PCSK6: variants seen among roughly 807,000 people sequenced by gnomAD.
The protein encoded by PCSK6 is proprotein convertase subtilisin/kexin type 6, also known as paired basic amino acid cleaving enzyme 4.
A neutral mutation model predicts 123.3 loss-of-function variants in PCSK6; 85 were observed. That is an observed-to-expected ratio of 0.69 (90% CI 0.58 to 0.83). The LOEUF (loss-of-function observed/expected upper bound fraction) is 0.83, where lower values mean the gene tolerates loss of function less well. Ranked by LOEUF, PCSK6 falls within the 40% of genes least tolerant of loss-of-function variation. The pLI, the probability that PCSK6 is intolerant of heterozygous loss-of-function variation, is 0.00. For synonymous variants in PCSK6, 508 were observed against 516.0 expected (o/e 0.98, Z 0.21); for missense variants, 1,191 against 1,282.3 (o/e 0.93, Z 1.09).
intron 1 of PCSK6, among the ~76,000 whole-genome samples, chr15:101,462,445 T>C (rs1025250588): frequency 2.0e-5 from 3 of 152,086 alleles, no homozygotes; most frequent in Non-Finnish European, 2.9e-5. Context: ...AAAGTTAATA[T>C]GAAACAACAA....
At chr15:101,324,098 T>G (rs28421513) in intron 17 of PCSK6, among the ~76,000 whole-genome samples, 1,725 of 152,248 alleles carry the variant, frequency 0.011, 36 homozygotes, top group African/African-American at 0.04. Flanking sequence ...CGGCTCTGAG[T>G]CCGAGTCCCA....
At chr15:101,460,944 G>C (rs2057327496) in intron 1 of PCSK6, among the ~76,000 whole-genome samples, 1 of 152,032 alleles carries the variant, frequency 6.6e-6, no homozygotes, top group Non-Finnish European at 1.5e-5. Context: ...TAAGAGAAAT[G>C]CTGAAAATTC....
At chr15:101,469,576 G>A (rs2057552493) in intron 1 of PCSK6, among the ~76,000 whole-genome samples, 2 of 152,194 alleles carry the variant, frequency 1.3e-5, no homozygotes, top group African/African-American at 4.8e-5. Context: ...GTCAGTGGTG[G>A]TGGGCACGAG....
chr15:101,320,883 A>G (rs2040104564), intron 18 of PCSK6, among the ~76,000 whole-genome samples: 1 of 152,210 alleles, frequency 6.6e-6, no homozygotes, highest in Admixed American at 6.5e-5. Flanking sequence ...CTCGTCAGTG[A>G]CGGAAGCACT....
chr15:101,466,130 A>T (rs2057454399), intron 1 of PCSK6, among the ~76,000 whole-genome samples: 1 of 152,190 alleles, frequency 6.6e-6, no homozygotes, highest in Non-Finnish European at 1.5e-5. Flanking sequence ...GAAGGATGAC[A>T]ATGACTGCAA....
intron 6 of PCSK6, among the ~76,000 whole-genome samples, chr15:101,402,309 G>T (rs6598471): frequency 0.91 from 132,110 of 144,816 alleles, 60,496 homozygotes; most frequent in East Asian, 1. Flanking sequence ...CCTAAAACCA[G>T]AAAAACCCTA....
In PCSK6 at chr15:101,317,715, T is replaced by C. The variant is rs572787294; in HGVS notation, c.2569+604A>G. ...ATGGCTTATGAGTGGTGAGCATCTC[T>C]TATCCCTTTCCCCATCTGAAATAAG... On this transcript the variant is annotated intron_variant, in intron 19 of 21. Coordinates refer to ENST00000611716, the MANE Select transcript of PCSK6 (RefSeq NM_002570.5). 5.3e-5 allele frequency among the ~76,000 whole-genome samples: 8 copies of C among 152,324 alleles called. No homozygotes were observed. In the South Asian group the frequency reaches 1.7e-3, roughly 32 times the overall value.
intron 2 of PCSK6, among the ~76,000 whole-genome samples, chr15:101,440,198 C>T (rs1010444634): frequency 5.3e-5 from 8 of 152,206 alleles, no homozygotes; most frequent in Admixed American, 2.0e-4. Flanking sequence ...ACCCAGCGAC[C>T]GATAACTGCA....
Position 101,489,400 on chromosome 15 carries a change from C to A in PCSK6, c.271G>T (p.Ala91Ser). The change falls in exon 1 of 22, where the codon GCG becomes TCG. Residue 91 changes from alanine to serine, a missense_variant. Physicochemically the swap from Ala to Ser is moderately conservative, Grantham distance 99 (BLOSUM62 1). Coordinates refer to ENST00000611716, the MANE Select transcript of PCSK6 (RefSeq NM_002570.5). Reference protein sequence around the residue: ...GPAEADRVAAAHGYLNLGQIG... With the variant: ...GPAEADRVAASHGYLNLGQIG... ...TGGCCCAAGTTGAGGTACCCGTGCGCCGCCGCCACGCGGTCCGCCTCGGCC... is the reference window on the plus strand; with the variant it reads ...TGGCCCAAGTTGAGGTACCCGTGCGACGCCGCCACGCGGTCCGCCTCGGCC... The A allele has an allele frequency of 1.6e-6, 2 of 1,272,488 alleles. No homozygotes were observed. Among genetic ancestry groups the A allele is most frequent in the South Asian group, 1.5e-5 (1 of 66,362 alleles). 78.8% of individuals were successfully genotyped at this position (1,272,488 alleles called of 1,614,324 possible).
At position 101,423,235 on chromosome 15, in the gene PCSK6, T is replaced by C. The variant is rs1286311986; in HGVS notation, c.823+4657A>G. ...TAAAAAAAGAGTCAAATGGAAATCA[T>C]AAGACAGAAAAGTAAATATCTGAAT... On this transcript the variant is annotated intron_variant, in intron 6 of 21. Transcript: ENST00000611716. Among the ~76,000 whole-genome samples the C allele has an allele frequency of 2.0e-5, 3 of 150,858 alleles. No homozygotes were observed. In the East Asian group the frequency reaches 5.8e-4, roughly 29 times the overall value.
At chr15:101,346,665 A>C (rs565972225) in intron 13 of PCSK6, 2 of 946,860 alleles carry the variant, frequency 2.1e-6, no homozygotes, top group Non-Finnish European at 2.7e-6. Flanking sequence ...CCTCATTCCT[A>C]AAACTGAGGG....
chr15:101,463,675 G>A (rs1377168611), intron 1 of PCSK6, among the ~76,000 whole-genome samples: 1 of 152,180 alleles, frequency 6.6e-6, no homozygotes, highest in Non-Finnish European at 1.5e-5. Context: ...GAGGGTGTGA[G>A]TCTGTGTGTG....
intron 6 of PCSK6, among the ~76,000 whole-genome samples, chr15:101,418,982 G>T (rs1336350983): frequency 1.3e-5 from 2 of 152,054 alleles, no homozygotes; most frequent in Non-Finnish European, 2.9e-5. Flanking sequence ...TTGATAAAGG[G>T]TAACTACAGG....
chr15:101,331,141 C>T (rs1295721077), intron 15 of PCSK6, among the ~76,000 whole-genome samples: 1 of 152,232 alleles, frequency 6.6e-6, no homozygotes, highest in Non-Finnish European at 1.5e-5. Flanking sequence ...AGCTCAGTGG[C>T]TGGAGCTTCT....
chr15:101,466,794 T>C lies in PCSK6; in HGVS notation c.297+22580A>G, dbSNP rs181138195. Among the ~76,000 whole-genome samples the C allele has an allele frequency of 2.0e-3, 306 of 152,290 alleles. 1 individual carries two copies. Among genetic ancestry groups the C allele is most frequent in the Admixed American group, 5.2e-3 (80 of 15,304 alleles). On this transcript the variant is annotated intron_variant, in intron 1 of 21. Transcript: ENST00000611716. ...ATTCCATTATATGAAATGTCCAGAA[T>C]AGGCAAATCTAGAGAGACGGAGAGT...
At chr15:101,455,851 C>G in intron 1 of PCSK6, among the ~76,000 whole-genome samples, 1 of 152,330 alleles carries the variant, frequency 6.6e-6, no homozygotes, top group East Asian at 1.9e-4. Flanking sequence ...CATCCTTTCC[C>G]GGTTGCAAAG....
chr15:101,322,419 C>G, intron 18 of PCSK6, 101 bp downstream of exon 18: 1 of 787,648 alleles, frequency 1.3e-6, no homozygotes, highest in Non-Finnish European at 2.1e-6. Context: ...GGGCCTCTGA[C>G]AGTTCAGCTT....
At chr15:101,438,635 T>C (rs1384452477) in intron 2 of PCSK6, among the ~76,000 whole-genome samples, 1 of 152,158 alleles carries the variant, frequency 6.6e-6, no homozygotes, top group Non-Finnish European at 1.5e-5. Flanking sequence ...CTCCTCTGGT[T>C]CTGGAACACT....
At position 101,356,682 on chromosome 15, in the gene PCSK6, TAAATAAATA is replaced by T. The variant is rs1453768331; in HGVS notation, c.1858+9505_1858+9513del. ...GCAACAGAGCGAGACTGTCTCAAAA[TAAATAAATA>T]AATAAATAAATAAATAAATAAATAA... On this transcript the variant is annotated intron_variant, in intron 13 of 21. Coordinates refer to ENST00000611716, the MANE Select transcript of PCSK6 (RefSeq NM_002570.5). Among the ~76,000 whole-genome samples the T allele has an allele frequency of 3.9e-4, 6 of 15,198 alleles. No individual in the cohort carries two copies. The East Asian group carries it at 5.5e-3, about 14-fold the overall frequency. 10.0% of individuals were successfully genotyped at this position (15,198 alleles called of 152,430 possible). A position where few individuals can be genotyped will look rare whatever the true frequency, so the allele number is the denominator to read the frequency against.
Sources: gnomAD v4.1 joint callset for allele counts (sites outside exome capture counted in the v4.1 genomes callset) on GRCh38, gnomAD v4.1.1 for gene constraint, MANE v1.5 for transcripts, NCBI Gene and HGNC (gene_info 2026-07-23, HGNC 2026-07-21) for gene names.